The following CHRM3 variants were observed in gnomAD, a reference collection of about 807,000 sequenced individuals.
CHRM3 encodes cholinergic receptor muscarinic 3.
CHRM3 carries 11 observed loss-of-function variants against 41.8 expected under a neutral mutation model. The observed-to-expected ratio is 0.26, with a 90% CI of 0.17 to 0.44. CHRM3 has a LOEUF of 0.44. Among genes scored for constraint, CHRM3 ranks in the 20% least tolerant of loss-of-function variants. CHRM3 has a pLI of 1.00. For synonymous variants in CHRM3, 297 were observed against 301.4 expected (o/e 0.99, Z 0.15); for missense variants, 571 against 745.4 (o/e 0.77, Z 2.72).
At chr1:239,401,343 C>T (rs1263538859) in intron 1 of CHRM3, among the ~76,000 whole-genome samples, 2 of 152,248 alleles carry the variant, frequency 1.3e-5, no homozygotes, top group African/African-American at 2.4e-5. Context: ...TGGCACTCTC[C>T]ACCCTGCTTC....
chr1:239,908,967 C>T lies in CHRM3; in HGVS notation c.1516C>T (p.Pro506Ser). The change falls in exon 7 of 7, where the codon CCA (proline) becomes TCA (serine). Residue 506 changes from proline (P) to serine (S), a missense_variant. This residue lies in a region of CHRM3 where 43 missense variants were observed against 93.7 expected (regional missense o/e 0.46). Coordinates refer to ENST00000676153, the MANE Select transcript of CHRM3 (RefSeq NM_001375978.1). This position sits in a 1 kb window ranked among gnomAD's most constrained non-coding sequence, Gnocchi z 7.2. ...GCTTGCCTTCATCATCACTTGGACCCCATACAACATCATGGTTCTGGTGAA... is the reference window on the plus strand; with the variant it reads ...GCTTGCCTTCATCATCACTTGGACCTCATACAACATCATGGTTCTGGTGAA... ...ILLAFIITWT[P>S]YNIMVLVNTF... 1 of 1,614,142 alleles carries T rather than the reference C, an allele frequency of 6.2e-7. No individual in the cohort carries two copies. Among genetic ancestry groups the T allele is most frequent in the Non-Finnish European group, 8.5e-7 (1 of 1,180,036 alleles).
chr1:239,669,012 C>A (rs1325002181), intron 4 of CHRM3, among the ~76,000 whole-genome samples: 2 of 152,148 alleles, frequency 1.3e-5, no homozygotes, highest in African/African-American at 4.8e-5. Context: ...TAATCAATTT[C>A]TTTTCTGAGC....
At chr1:239,736,868 G>C (rs1264738567) in intron 5 of CHRM3, among the ~76,000 whole-genome samples, 10 of 151,992 alleles carry the variant, frequency 6.6e-5, no homozygotes, top group Admixed American at 6.6e-4. Flanking sequence ...TATTCCATTG[G>C]GTAATCATAG....
chr1:239,478,567 C>T (rs775805469), intron 1 of CHRM3, among the ~76,000 whole-genome samples: 1 of 152,012 alleles, frequency 6.6e-6, no homozygotes, highest in Non-Finnish European at 1.5e-5. Context: ...AGCAGAGCAG[C>T]AGAAGCTATA....
chr1:239,401,488 C>CT (rs1659968425), intron 1 of CHRM3, among the ~76,000 whole-genome samples: 1 of 151,204 alleles, frequency 6.6e-6, no homozygotes, highest in Admixed American at 6.6e-5. Flanking sequence ...TCTTCTCTCT[C>CT]TTTTTTCCTT....
At chr1:239,904,126 A>G (rs970650157) in intron 6 of CHRM3, among the ~76,000 whole-genome samples, 2 of 152,190 alleles carry the variant, frequency 1.3e-5, no homozygotes, top group Non-Finnish European at 2.9e-5. Flanking sequence ...ATTACCTCCC[A>G]TGGGACATGA....
At chr1:239,481,101 G>A (rs1283017214) in intron 1 of CHRM3, among the ~76,000 whole-genome samples, 1 of 152,142 alleles carries the variant, frequency 6.6e-6, no homozygotes, top group Non-Finnish European at 1.5e-5. Context: ...TAAATAGAAT[G>A]GGGTACATAC....
intron 3 of CHRM3, among the ~76,000 whole-genome samples, chr1:239,552,921 T>C (rs962174233): frequency 2.0e-5 from 3 of 152,166 alleles, no homozygotes; most frequent in Non-Finnish European, 4.4e-5. Context: ...TTTCTAACTT[T>C]CTTTTTAACG....
Position 239,864,429 on chromosome 1 carries a change from T to C in CHRM3, c.-20+37051T>C, listed in dbSNP as rs865830574. On this transcript the variant is annotated intron_variant, in intron 6 of 6. Coordinates refer to ENST00000676153, the MANE Select transcript of CHRM3 (RefSeq NM_001375978.1). ...GGCTGAGGCAGGAGAATCGCTTGAA[T>C]CTGGGAGGCGGAGGTTGCGGTGAGC... Among the ~76,000 whole-genome samples, 20 of 152,004 alleles carry C rather than the reference T, an allele frequency of 1.3e-4. 1 individual carries two copies. The highest frequency in any genetic ancestry group is 4.8e-4 in the African/African-American group (20 of 41,480).
rs765745937 is a variant in CHRM3 at position 239,760,177 on chromosome 1, G to A, written c.-146-67075G>A. Reference sequence around the variant, plus strand: ...CCTGACCTCGTGATCCGCCCACCTCGGCCCCCCAAAGTGCTAGGATTACAG... The same window carrying A: ...CCTGACCTCGTGATCCGCCCACCTCAGCCCCCCAAAGTGCTAGGATTACAG... On this transcript the variant is annotated intron_variant, in intron 5 of 6. Coordinates refer to ENST00000676153, the MANE Select transcript of CHRM3 (RefSeq NM_001375978.1). 5.3e-5 allele frequency among the ~76,000 whole-genome samples: 8 copies of A among 151,224 alleles called. No homozygotes were observed. The South Asian group carries it at 6.3e-4, about 12-fold the overall frequency.
At chr1:239,503,721 T>C (rs1438201318) in intron 2 of CHRM3, among the ~76,000 whole-genome samples, 1 of 152,116 alleles carries the variant, frequency 6.6e-6, no homozygotes, top group Admixed American at 6.6e-5. Context: ...AATAGGCACA[T>C]AGACCAAAGG....
chr1:239,486,334 G>A (rs1057194279), intron 1 of CHRM3, among the ~76,000 whole-genome samples: 4 of 152,128 alleles, frequency 2.6e-5, no homozygotes, highest in Admixed American at 6.5e-5. Flanking sequence ...AGTGCCTTCT[G>A]GGGACAAGGG....
intron 4 of CHRM3, among the ~76,000 whole-genome samples, chr1:239,639,561 G>C (rs1670870529): frequency 6.6e-6 from 1 of 151,362 alleles, no homozygotes; most frequent in Admixed American, 6.6e-5. Context: ...TTGGCTCTCT[G>C]TTTGTCTGTT....
chr1:239,531,919 A>C (rs1657598277), intron 2 of CHRM3, among the ~76,000 whole-genome samples: 1 of 150,520 alleles, frequency 6.6e-6, no homozygotes, highest in African/African-American at 2.5e-5. Flanking sequence ...TGGGCCTCCC[A>C]ATGTGCTGGG....
At chr1:239,730,695 A>T (rs935956427) in intron 5 of CHRM3, among the ~76,000 whole-genome samples, 1 of 151,964 alleles carries the variant, frequency 6.6e-6, no homozygotes, top group African/African-American at 2.4e-5. Context: ...TGGAGTGGAG[A>T]TGAAGAGCAG....
chr1:239,579,532 C>T (rs1172645361), intron 3 of CHRM3, among the ~76,000 whole-genome samples: 1 of 152,078 alleles, frequency 6.6e-6, no homozygotes, highest in Non-Finnish European at 1.5e-5. Flanking sequence ...AGGCAATTGA[C>T]CTGAGGTCAG....
chr1:239,822,276 C>T (rs1362796101), intron 5 of CHRM3, among the ~76,000 whole-genome samples: 3 of 152,140 alleles, frequency 2.0e-5, no homozygotes, highest in African/African-American at 4.8e-5. Flanking sequence ...AAATGGTACC[C>T]GTAACTTGGT....
intron 5 of CHRM3, among the ~76,000 whole-genome samples, chr1:239,743,890 A>C (rs1396758011): frequency 1.4e-5 from 2 of 144,604 alleles, no homozygotes; most frequent in Non-Finnish European, 3.0e-5. Context: ...ACTCCTGCTC[A>C]AGTGATCCTC....
chr1:239,816,048 A>T (rs1440792375), intron 5 of CHRM3, among the ~76,000 whole-genome samples: 3 of 152,032 alleles, frequency 2.0e-5, no homozygotes, highest in African/African-American at 7.3e-5. Flanking sequence ...GGGGGAAAAA[A>T]GAACAGACTT....
Sources: allele counts gnomAD v4.1 joint callset (sites outside exome capture counted in the v4.1 genomes callset), GRCh38; gene constraint gnomAD v4.1.1; regional missense constraint gnomAD v4.1.1; non-coding constraint Gnocchi (gnomAD v3.1); transcripts MANE v1.5; gene names NCBI Gene and HGNC (gene_info 2026-07-23, HGNC 2026-07-21).